RORA: variants seen among roughly 807,000 people sequenced by gnomAD.
RORA encodes nuclear receptor ROR-alpha.
RORA carries 7 observed loss-of-function variants against 69.5 expected under a neutral mutation model. The ratio of observed to expected loss-of-function variants is 0.10; its 90% CI spans 0.06 to 0.19. The LOEUF is 0.19. Among genes scored for constraint, RORA ranks in the 10% least tolerant of loss-of-function variants. The probability of loss-of-function intolerance (pLI) is 1.00; values close to 1 mark genes in which losing one functional copy is unlikely to be tolerated. For missense variants in RORA, 457 were observed against 663.0 expected (o/e 0.69, Z 3.41); for synonymous variants, 261 against 240.8 (o/e 1.08, Z -0.78).
intron 1 of RORA, among the ~76,000 whole-genome samples, chr15:60,967,704 G>A (rs760330116): frequency 6.6e-6 from 1 of 152,192 alleles, no homozygotes; most frequent in Non-Finnish European, 1.5e-5. Flanking sequence ...TTTCCTGAAT[G>A]AGATGACTTC....
At chr15:60,732,519 A>G (rs112779931) in intron 1 of RORA, among the ~76,000 whole-genome samples, 13 of 152,300 alleles carry the variant, frequency 8.5e-5, no homozygotes, top group African/African-American at 3.1e-4. Flanking sequence ...GTTGTCCTCA[A>G]AAAAATTAAG....
At chr15:60,665,294 C>G (rs968396838) in intron 2 of RORA, among the ~76,000 whole-genome samples, 3 of 152,308 alleles carry the variant, frequency 2.0e-5, no homozygotes, top group South Asian at 4.1e-4. Flanking sequence ...ATTCTCTTTT[C>G]TAGTAGGTAG....
chr15:60,584,321 T>A (rs776826817), intron 2 of RORA, among the ~76,000 whole-genome samples: 4 of 152,250 alleles, frequency 2.6e-5, no homozygotes, highest in Admixed American at 6.5e-5. Flanking sequence ...TAGAGCTAAC[T>A]TATGGCTTAT....
chr15:60,604,867 A>G (rs1390167677), intron 2 of RORA, among the ~76,000 whole-genome samples: 1 of 152,222 alleles, frequency 6.6e-6, no homozygotes, highest in Non-Finnish European at 1.5e-5. Context: ...AGATCTTAAA[A>G]GTCAGGCAAT....
intron 1 of RORA, among the ~76,000 whole-genome samples, chr15:60,884,202 AAGAG>A (rs570842239): frequency 6.6e-6 from 1 of 151,012 alleles, no homozygotes; most frequent in Non-Finnish European, 1.5e-5. Context: ...CAAAGAGAGA[AAGAG>A]AGAGAGAGAG....
chr15:60,555,965 T>G (rs2067346117), intron 2 of RORA, among the ~76,000 whole-genome samples: 1 of 152,156 alleles, frequency 6.6e-6, no homozygotes, highest in South Asian at 2.1e-4. Context: ...GGGTAGTGAT[T>G]GTGGAACCTC....
chr15:60,898,519 A>ATAACTAAC (rs556770711), intron 1 of RORA, among the ~76,000 whole-genome samples: 1 of 149,718 alleles, frequency 6.7e-6, no homozygotes, highest in Non-Finnish European at 1.5e-5. Flanking sequence ...AAATAAATAA[A>ATAACTAAC]TAAATAAATA....
Position 60,736,805 on chromosome 15 carries a change from G to C in RORA, c.167-58119C>G, listed in dbSNP as rs531607952. The C allele has an allele frequency of 2.6e-5, 4 of 152,294 alleles. No individual in the cohort carries two copies. In the East Asian group the frequency reaches 5.8e-4, roughly 22 times the overall value. The allele number at this position is 152,294 out of a possible 1,614,324, so 9.4% of individuals were successfully genotyped here. A position where few individuals can be genotyped will look rare whatever the true frequency, so the allele number is the denominator to read the frequency against. On this transcript the variant is annotated intron_variant, in intron 1 of 10. Transcript: ENST00000335670. ...TACCTCCCTGAAGGTGCCCGATCTT[G>C]TCTGATCTTGGAAGCTAAGCAGAGC...
chr15:60,783,477 C>A (rs995475629), intron 1 of RORA, among the ~76,000 whole-genome samples: 1 of 152,038 alleles, frequency 6.6e-6, no homozygotes, highest in South Asian at 2.1e-4. Context: ...CATTACCTCC[C>A]AAACAGTATT....
At position 60,511,259 on chromosome 15, in the gene RORA, C is replaced by G; in HGVS notation, c.787G>C (p.Glu263Gln). The change falls in exon 5 of 11, where the codon GAG becomes CAG. Residue 263 changes from glutamate to glutamine, a missense_variant. Glu to Gln is a conservative substitution (Grantham distance 29, BLOSUM62 2). Around this residue, in one of 3 missense-constraint regions of RORA, gnomAD observed 304 missense variants for 447.4 expected, o/e 0.68. Coordinates refer to ENST00000335670, the MANE Select transcript of RORA (RefSeq NM_134261.3). The surrounding 1 kb of genome is among the most constrained non-coding windows in gnomAD (Gnocchi z 6.4). ...GCCATGGACACAGTTGGGGAAGTCT[C>G]GCCGTTGGTGAACGAACAGTAGGGA... ...FFPYCSFTNG[E>Q]TSPTVSMAEL... The G allele has an allele frequency of 2.5e-6, 4 of 1,613,828 alleles. No homozygotes were observed. The highest frequency in any genetic ancestry group is 3.4e-6 in the Non-Finnish European group (4 of 1,179,814).
intron 2 of RORA, among the ~76,000 whole-genome samples, chr15:60,676,932 A>G (rs1428576346): frequency 6.6e-6 from 1 of 152,212 alleles, no homozygotes; most frequent in Non-Finnish European, 1.5e-5. Context: ...ATGTTATCTT[A>G]TTAGTTGGGA....
intron 1 of RORA, among the ~76,000 whole-genome samples, chr15:60,940,327 G>C (rs531189866): frequency 1.5e-4 from 23 of 152,308 alleles, no homozygotes; most frequent in Non-Finnish European, 2.8e-4. Context: ...TACTATTCCA[G>C]TAATAAAAAG....
intron 1 of RORA, among the ~76,000 whole-genome samples, chr15:61,222,281 T>G (rs1186662318): frequency 6.6e-6 from 1 of 152,174 alleles, no homozygotes; most frequent in Admixed American, 6.5e-5. Flanking sequence ...CACAGCGCCA[T>G]GCCACTGTTA....
rs555566392 is a variant in RORA at position 60,809,319 on chromosome 15, T to C, written c.167-130633A>G. Among the ~76,000 whole-genome samples the C allele has an allele frequency of 1.4e-4, 21 of 152,306 alleles. No individual in the cohort carries two copies. In the South Asian group the frequency reaches 3.1e-3, roughly 23 times the overall value. On this transcript the variant is annotated intron_variant, in intron 1 of 10. Transcript: ENST00000335670. The stretch of plus-strand genomic sequence containing the variant: ...CCTGAACTACAACAATTGACAGCAA[T>C]GTGCACAGTTAATCCCAATTCTGTG...
intron 1 of RORA, among the ~76,000 whole-genome samples, chr15:61,032,501 A>T (rs1405971592): frequency 3.9e-5 from 6 of 152,232 alleles, no homozygotes; most frequent in Non-Finnish European, 8.8e-5. Context: ...TCTATATTTG[A>T]TCAACGGAGT....
At chr15:60,845,799 T>A (rs2073258083) in intron 1 of RORA, among the ~76,000 whole-genome samples, 1 of 152,242 alleles carries the variant, frequency 6.6e-6, no homozygotes, top group Admixed American at 6.5e-5. Flanking sequence ...CAGGCTGCAG[T>A]GCAGTGGTGC....
intron 1 of RORA, among the ~76,000 whole-genome samples, chr15:60,887,660 G>C (rs2073766367): frequency 6.6e-6 from 1 of 152,176 alleles, no homozygotes; most frequent in Non-Finnish European, 1.5e-5. Flanking sequence ...CGGGCAGAAT[G>C]GAGGGAAGGG....
At chr15:60,535,423 C>G (rs192393979) in intron 2 of RORA, among the ~76,000 whole-genome samples, 2 of 152,316 alleles carry the variant, frequency 1.3e-5, no homozygotes, top group East Asian at 3.9e-4. Context: ...AGGCTCTCCA[C>G]ACCTGCAGAG....
intron 1 of RORA, among the ~76,000 whole-genome samples, chr15:60,813,195 G>A (rs1052545255): frequency 7.2e-5 from 11 of 152,080 alleles, no homozygotes; most frequent in African/African-American, 2.4e-4. Flanking sequence ...TCAGCCTCAC[G>A]GCCCCAACCC....
Sources: gnomAD v4.1 joint callset for allele counts (sites outside exome capture counted in the v4.1 genomes callset) on GRCh38, gnomAD v4.1.1 for gene constraint, gnomAD v4.1.1 regional missense constraint, Gnocchi (gnomAD v3.1) non-coding constraint, MANE v1.5 for transcripts, NCBI Gene and HGNC (gene_info 2026-07-23, HGNC 2026-07-21) for gene names.